Variants in UBE2E2 observed in about 807,000 individuals in gnomAD.
UBE2E2 encodes ubiquitin-conjugating enzyme E2 E2.
UBE2E2 carries 6 observed loss-of-function variants against 24.7 expected under a neutral mutation model. The ratio of observed to expected loss-of-function variants is 0.24; its 90% confidence interval spans 0.13 to 0.48. UBE2E2 has a LOEUF of 0.48. UBE2E2 is among the 20% of genes least tolerant of loss of function. The pLI, the probability that UBE2E2 is intolerant of heterozygous loss-of-function variation, is 0.99. For synonymous variants in UBE2E2, 104 were observed against 83.6 expected, an observed-to-expected ratio of 1.24 and a Z score of -1.33; for missense variants, 169 against 245.0, an observed-to-expected ratio of 0.69 and a Z score of 2.07.
intron 3 of UBE2E2, among the ~76,000 whole-genome samples, chr3:23,401,575 A>G (rs1697223673): frequency 6.6e-6 from 1 of 152,142 alleles, no homozygotes; most frequent in South Asian, 2.1e-4. Context: ...TAAAGAAGCT[A>G]TATCGTTCTA....
At chr3:23,494,924 A>G (rs1183906143) in intron 3 of UBE2E2, among the ~76,000 whole-genome samples, 2 of 151,224 alleles carry the variant, frequency 1.3e-5, no homozygotes, top group East Asian at 3.9e-4. Flanking sequence ...GGCGCCCACC[A>G]CCACACCTGG....
chr3:23,227,320 T>C (rs1696853968), intron 3 of UBE2E2, among the ~76,000 whole-genome samples: 1 of 152,214 alleles, frequency 6.6e-6, no homozygotes, highest in African/African-American at 2.4e-5. Context: ...TATCCATATC[T>C]TCATTTGTAC....
chr3:23,571,412 C>A (rs201609481), intron 5 of UBE2E2, among the ~76,000 whole-genome samples: 3 of 150,862 alleles, frequency 2.0e-5, no homozygotes, highest in Non-Finnish European at 4.4e-5. Context: ...GCCTCAGCCT[C>A]CCGAGTAGCC....
intron 3 of UBE2E2, among the ~76,000 whole-genome samples, chr3:23,240,659 C>A (rs947339921): frequency 3.9e-5 from 6 of 152,134 alleles, no homozygotes; most frequent in African/African-American, 1.4e-4. Flanking sequence ...ATTTTCACTT[C>A]TACGATTATA....
At chr3:23,456,985 C>T (rs1487408205) in intron 3 of UBE2E2, among the ~76,000 whole-genome samples, 2 of 152,164 alleles carry the variant, frequency 1.3e-5, no homozygotes, top group Non-Finnish European at 2.9e-5. Context: ...GTCCATTTAC[C>T]ATAATCGAGG....
rs561747979 is a variant in UBE2E2 at position 23,266,533 on chromosome 3, C to T, written c.227+49221C>T. ...TCAGCTGTTAGTCTGATGGGCTTCCCTTTGTGGGTAACCTGACCTTTCTCT... is the reference window on the plus strand; with the variant it reads ...TCAGCTGTTAGTCTGATGGGCTTCCTTTTGTGGGTAACCTGACCTTTCTCT... On this transcript the variant is annotated intron_variant, in intron 3 of 5. Coordinates refer to ENST00000396703, the MANE Select transcript of UBE2E2 (RefSeq NM_152653.4). Among the ~76,000 whole-genome samples the T allele has an allele frequency of 1.8e-3, 266 of 151,908 alleles. 2 individuals carry two copies. The highest frequency in any genetic ancestry group is 0.017 in the Middle Eastern group (5 of 294).
intron 3 of UBE2E2, among the ~76,000 whole-genome samples, chr3:23,393,456 T>C (rs555234944): frequency 6.6e-6 from 1 of 152,310 alleles, no homozygotes; most frequent in East Asian, 1.9e-4. Flanking sequence ...GGGTGCTTGT[T>C]AGACTTGTAA....
At chr3:23,446,943 A>G (rs900251541) in intron 3 of UBE2E2, among the ~76,000 whole-genome samples, 3 of 152,092 alleles carry the variant, frequency 2.0e-5, no homozygotes, top group Non-Finnish European at 4.4e-5. Flanking sequence ...AATAGGCCTC[A>G]AAAAGTTTGG....
At chr3:23,239,183 T>C (rs2125336860) in intron 3 of UBE2E2, among the ~76,000 whole-genome samples, 1 of 152,290 alleles carries the variant, frequency 6.6e-6, no homozygotes, top group South Asian at 2.1e-4. Context: ...GATACCGTAA[T>C]ATAGTGATCA....
At chr3:23,206,496 G>GA (rs1382002436) in intron 1 of UBE2E2, among the ~76,000 whole-genome samples, 1 of 152,184 alleles carries the variant, frequency 6.6e-6, no homozygotes, top group African/African-American at 2.4e-5. Context: ...AGAATAGGTA[G>GA]AAAAGTAGTC....
At chr3:23,586,823 C>T (rs939145352) in intron 5 of UBE2E2, among the ~76,000 whole-genome samples, 9 of 151,810 alleles carry the variant, frequency 5.9e-5, no homozygotes, top group African/African-American at 2.2e-4. Flanking sequence ...CTACAATTAT[C>T]TATGTAAAAA....
intron 3 of UBE2E2, among the ~76,000 whole-genome samples, chr3:23,298,443 T>C (rs1216852812): frequency 1.3e-5 from 2 of 152,226 alleles, no homozygotes; most frequent in Admixed American, 6.5e-5. Flanking sequence ...ATAGCTCTTA[T>C]TATTTTGAGA....
rs1698753457 is a variant in UBE2E2, at chr3:23,291,081, A to AAG, written c.227+73769_227+73770insAG. ...AAGACCCTGTCTTTAAAAAAAAAAA[A>AAG]CAAAAAACGTGAGCCTAGGGCTGCT... On this transcript the variant is annotated intron_variant, in intron 3 of 5. Transcript: ENST00000396703. Among the ~76,000 whole-genome samples the AAG allele has an allele frequency of 1.4e-5, 2 of 145,254 alleles. 1 individual carries two copies. Among genetic ancestry groups the AAG allele is most frequent in the Admixed American group, 1.4e-4 (2 of 14,444 alleles).
At chr3:23,246,239 G>A (rs1697395701) in intron 3 of UBE2E2, among the ~76,000 whole-genome samples, 1 of 20,178 alleles carries the variant, frequency 5.0e-5, no homozygotes, top group African/African-American at 1.2e-3. Context: ...TTTTTTTTTC[G>A]AGATGGAGTC....
chr3:23,524,866 ACACAC>A (rs1694956750), intron 4 of UBE2E2, among the ~76,000 whole-genome samples: 1 of 64,996 alleles, frequency 1.5e-5, no homozygotes, highest in Non-Finnish European at 2.9e-5. Context: ...AGACACACAG[ACACAC>A]ACACACACAC....
intron 3 of UBE2E2, among the ~76,000 whole-genome samples, chr3:23,285,302 A>C (rs1054878280): frequency 6.6e-6 from 1 of 152,218 alleles, no homozygotes; most frequent in African/African-American, 2.4e-5. Flanking sequence ...GGTTGCTTCC[A>C]AATCTTTGCT....
At chr3:23,393,101 G>A (rs373625463) in intron 3 of UBE2E2, among the ~76,000 whole-genome samples, 43 of 152,322 alleles carry the variant, frequency 2.8e-4, no homozygotes, top group Non-Finnish European at 4.3e-4. Context: ...CTCTACATGC[G>A]TTCTGCAAAA....
chr3:23,532,674 T>G lies in UBE2E2; in HGVS notation c.481T>G (p.Cys161Gly). 6.4e-7 allele frequency: 1 copy of G among 1,558,542 alleles called. No individual in the cohort carries two copies. Among genetic ancestry groups the G allele is most frequent in the Non-Finnish European group, 8.8e-7 (1 of 1,141,456 alleles). The stretch of plus-strand genomic sequence containing the variant: ...TATTTCTAAAGTTCTCCTCTCCATC[T>G]GCTCACTTCTTACAGATTGCAACCC... ...LTISKVLLSI[C>G]SLLTDCNPAD... is the part of the protein sequence containing the mutation. The change falls in exon 5 of 6, where the codon TGC becomes GGC. Residue 161 changes from cysteine to glycine, a missense_variant. By Grantham distance (159) the Cys-to-Gly change is radical. Coordinates refer to ENST00000396703, the MANE Select transcript of UBE2E2 (RefSeq NM_152653.4).
intron 5 of UBE2E2, among the ~76,000 whole-genome samples, chr3:23,561,811 G>A (rs1160945008): frequency 2.0e-5 from 3 of 152,130 alleles, no homozygotes; most frequent in East Asian, 3.8e-4. Flanking sequence ...TGGATTCCTA[G>A]GTATTTTATT....
Sources: gnomAD v4.1 joint callset for allele counts (sites outside exome capture counted in the v4.1 genomes callset) on GRCh38, gnomAD v4.1.1 for gene constraint, MANE v1.5 for transcripts, NCBI Gene and HGNC (gene_info 2026-07-23, HGNC 2026-07-21) for gene names.